The following PUDP variants were observed in gnomAD, a reference collection of about 807,000 sequenced individuals.
PUDP encodes pseudouridine-5'-phosphatase.
A neutral mutation model predicts 9.4 loss-of-function variants in PUDP; 8 were observed. The ratio of observed to expected loss-of-function variants is 0.85; its 90% CI spans 0.50 to 1.53. PUDP has a LOEUF of 1.53. Among genes scored for constraint, PUDP ranks in the 40% most tolerant of loss-of-function variants. The pLI, the probability that PUDP is intolerant of heterozygous loss-of-function variation, is 0.00. For missense variants in PUDP, 188 were observed against 189.7 expected, an observed-to-expected ratio of 0.99 and a Z score of 0.05; for synonymous variants, 99 against 80.7, an observed-to-expected ratio of 1.23 and a Z score of -1.22.
intron 1 of PUDP, among the ~76,000 whole-genome samples, chrX:7,008,656 T>C (rs1929436064): frequency 8.9e-6 from 1 of 112,191 alleles, no homozygotes; most frequent in African/African-American, 3.3e-5. Context: ...ATCATTCAAA[T>C]GGCATTTTCT....
At chrX:7,101,980 T>G (rs1331274609) in intron 2 of PUDP, among the ~76,000 whole-genome samples, 1 of 111,239 alleles carries the variant, frequency 9.0e-6, no homozygotes, top group African/African-American at 3.3e-5. Context: ...GAATCCCTGA[T>G]GATTTTGAGA....
chrX:6,724,717 A>AG (rs1440566485), upstream of PUDP, among the ~76,000 whole-genome samples: 1 of 111,704 alleles, frequency 9.0e-6, no homozygotes, highest in Non-Finnish European at 1.9e-5. Flanking sequence ...TCTTGTATGC[A>AG]GGATTGTTTA....
chrX:6,717,270 C>T (rs1045814045), intron 1 of PUDP, among the ~76,000 whole-genome samples: 1 of 111,161 alleles, frequency 9.0e-6, no homozygotes, highest in Admixed American at 9.6e-5. Context: ...CAGAATGATA[C>T]CCTTGGGTTG....
intron 3 of PUDP, among the ~76,000 whole-genome samples, chrX:6,941,492 CT>C (rs1928399857): frequency 9.2e-6 from 1 of 108,992 alleles, no homozygotes; most frequent in African/African-American, 3.3e-5. Context: ...CCATGCCCGG[CT>C]AATTTTTTAA....
At chrX:6,944,171 G>GT (rs1248233729) in intron 3 of PUDP, among the ~76,000 whole-genome samples, 1 of 110,789 alleles carries the variant, frequency 9.0e-6, no homozygotes, top group Non-Finnish European at 1.9e-5. Context: ...ATGATAGTGA[G>GT]TGAGTTCTCA....
Position 7,105,790 on chromosome X carries a change from T to G in PUDP, c.110A>C (p.Tyr37Ser), listed in dbSNP as rs374501713. 6.9e-5 allele frequency: 83 copies of G among 1,207,104 alleles called. No individual in the cohort carries two copies. Among genetic ancestry groups the G allele is most frequent in the Admixed American group, 1.3e-4 (6 of 45,619 alleles). ...SVVFQEICNR[Y>S]DKKYSWDVKS... The stretch of plus-strand genomic sequence containing the variant: ...TACATCCCAGCTGTATTTCTTGTCA[T>G]AGCGATTACATATTTCTTGAAACAC... Residue 37 changes from tyrosine (Y) to serine (S), a missense_variant, in exon 2 of 4, where the codon TAT (tyrosine) becomes TCT (serine). Transcript: ENST00000381077.
chrX:6,796,939 G>A (rs1212410608), intron 3 of PUDP, among the ~76,000 whole-genome samples: 1 of 112,087 alleles, frequency 8.9e-6, no homozygotes, highest in East Asian at 2.8e-4. Context: ...TTGAGTACAT[G>A]CCAGATGGTA....
chrX:6,841,455 T>C (rs1926669295), intron 3 of PUDP, among the ~76,000 whole-genome samples: 1 of 108,454 alleles, frequency 9.2e-6, no homozygotes, highest in Admixed American at 9.9e-5. Context: ...TAGCCAGGTG[T>C]GGTGGTGCAT....
chrX:7,062,616 G>T (rs1325535625), intron 3 of PUDP, among the ~76,000 whole-genome samples: 1 of 110,185 alleles, frequency 9.1e-6, no homozygotes, highest in Non-Finnish European at 1.9e-5. Flanking sequence ...CAGAAGACAA[G>T]GCCCCAAAAG....
chrX:6,775,638 A>G (rs1425517769), intron 3 of PUDP, among the ~76,000 whole-genome samples: 1 of 111,170 alleles, frequency 9.0e-6, no homozygotes, highest in East Asian at 2.8e-4. Flanking sequence ...CTCAACCCCC[A>G]AGATGGAGCT....
chrX:6,914,240 A>G (rs1018698052), intron 3 of PUDP, among the ~76,000 whole-genome samples: 1 of 110,358 alleles, frequency 9.1e-6, no homozygotes, highest in African/African-American at 3.3e-5. Flanking sequence ...AGTTACATAG[A>G]CACAGAACAT....
intron 3 of PUDP, among the ~76,000 whole-genome samples, chrX:6,960,904 G>A (rs1200783286): frequency 2.7e-5 from 3 of 111,603 alleles, no homozygotes; most frequent in Admixed American, 1.9e-4. Context: ...CCACTATGGT[G>A]GGAGAGCAAC....
At chrX:6,732,385 T>A (rs1290938117) in intron 3 of PUDP, among the ~76,000 whole-genome samples, 3 of 111,749 alleles carry the variant, frequency 2.7e-5, no homozygotes, top group Admixed American at 9.6e-5. Flanking sequence ...CTGACAAACT[T>A]GTGTGGGCTT....
At chrX:7,137,415 C>T (rs1471263061) in intron 1 of PUDP, among the ~76,000 whole-genome samples, 1 of 108,809 alleles carries the variant, frequency 9.2e-6, no homozygotes, top group South Asian at 4.1e-4. Context: ...GGTGTGGTGG[C>T]GGGCACCTGC....
At chrX:6,755,961 T>G (rs1432055261) in intron 3 of PUDP, among the ~76,000 whole-genome samples, 1 of 110,966 alleles carries the variant, frequency 9.0e-6, no homozygotes, top group Non-Finnish European at 1.9e-5. Flanking sequence ...GGAACAGAGC[T>G]TTTTATGAGA....
At chrX:6,831,120 G>A (rs1381592144) in intron 3 of PUDP, among the ~76,000 whole-genome samples, 2 of 111,269 alleles carry the variant, frequency 1.8e-5, no homozygotes, top group Admixed American at 1.9e-4. Flanking sequence ...TCAGTTCCTG[G>A]GTGGGGGCCA....
At chrX:7,019,314 G>C (rs901434445) in intron 1 of PUDP, among the ~76,000 whole-genome samples, 14 of 112,172 alleles carry the variant, frequency 1.2e-4, no homozygotes, top group African/African-American at 4.5e-4. Flanking sequence ...CAGCTGTTAT[G>C]TTTATCAGGA....
At chrX:7,012,874 T>C (rs1929497063) in intron 1 of PUDP, among the ~76,000 whole-genome samples, 1 of 111,080 alleles carries the variant, frequency 9.0e-6, no homozygotes, top group Non-Finnish European at 1.9e-5. Flanking sequence ...TTAAAAGTAT[T>C]ATCCATTCAG....
At chrX:6,915,170 T>G (rs1040205600) in intron 3 of PUDP, among the ~76,000 whole-genome samples, 2 of 112,427 alleles carry the variant, frequency 1.8e-5, no homozygotes, top group Non-Finnish European at 3.8e-5. Context: ...GAATAGCTAC[T>G]CATTTTCCCA....
Sources: gnomAD v4.1 joint callset for allele counts (sites outside exome capture counted in the v4.1 genomes callset) on GRCh38, gnomAD v4.1.1 for gene constraint, MANE v1.5 for transcripts, NCBI Gene and HGNC (gene_info 2026-07-23, HGNC 2026-07-21) for gene names.